Variants in CELF5 observed in about 807,000 individuals in gnomAD.
CELF5 encodes CUGBP Elav-like family member 5, also known as CUG-BP and ETR-3 like factor 5.
In CELF5, 6 loss-of-function variants were observed where a neutral mutation model predicts 54.9. The observed-to-expected ratio is 0.11, with a 90% CI of 0.06 to 0.22. The LOEUF is 0.22. Ranked by LOEUF, CELF5 falls within the 10% of genes least tolerant of loss-of-function variation. The pLI is 1.00. For missense variants in CELF5, 401 were observed against 678.6 expected, an observed-to-expected ratio of 0.59 and a Z score of 4.54; for synonymous variants, 271 against 290.9, an observed-to-expected ratio of 0.93 and a Z score of 0.70.
chr19:3,261,833 A>T (rs2079810234), intron 2 of CELF5, among the ~76,000 whole-genome samples: 1 of 152,052 alleles, frequency 6.6e-6, no homozygotes, highest in African/African-American at 2.4e-5. Flanking sequence ...GACAAAAATA[A>T]AAACAAAAAC....
chr19:3,285,976 G>T lies in CELF5; in HGVS notation c.1137G>T (p.Ala379=), dbSNP rs373788443. 37 of 1,585,440 alleles carry T rather than the reference G, an allele frequency of 2.3e-5. No homozygotes were observed. The highest frequency in any genetic ancestry group is 2.9e-5 in the Non-Finnish European group (34 of 1,172,660). The change falls in exon 10 of 13, where the codon GCG becomes GCT. Residue 379 remains alanine, a synonymous_variant. Coordinates refer to ENST00000292672, the MANE Select transcript of CELF5 (RefSeq NM_021938.4). ...MYPTAAITPI[A]HSVPQPPPLL... ...CCACCGCGGCCATCACGCCCATCGCGCACAGCGTCCCCCAGCCGCCGCCCC... is the reference window on the plus strand; with the variant it reads ...CCACCGCGGCCATCACGCCCATCGCTCACAGCGTCCCCCAGCCGCCGCCCC...
chr19:3,284,998 T>C (rs1228507598), intron 9 of CELF5, 34 bp downstream of exon 9: 3 of 1,504,254 alleles, frequency 2.0e-6, no homozygotes, highest in Non-Finnish European at 2.7e-6. Context: ...CGCTGGGCCC[T>C]GGCCCCGCCC....
Position 3,248,899 on chromosome 19 carries a change from TTCCTTC to T in CELF5, c.260-2085_260-2080del, listed in dbSNP as rs1251741493. Among the ~76,000 whole-genome samples, 76 of 125,438 alleles carry T rather than the reference TTCCTTC, an allele frequency of 6.1e-4. No individual in the cohort carries two copies. The East Asian group carries it at 0.015, about 25-fold the overall frequency. 82.3% of individuals were successfully genotyped at this position (125,438 alleles called of 152,430 possible). ...CTTCCTTCCTTCCTTCCTTCCTTCC[TTCCTTC>T]CTTTCTTTCTTTCTTTCTTTCTTTT... On this transcript the variant is annotated intron_variant, in intron 1 of 12. Transcript: ENST00000292672.
At chr19:3,248,719 T>C (rs930364065) in intron 1 of CELF5, among the ~76,000 whole-genome samples, 1 of 152,192 alleles carries the variant, frequency 6.6e-6, no homozygotes, top group Non-Finnish European at 1.5e-5. Flanking sequence ...TTTCAATTCT[T>C]CTGAATATAC....
intron 2 of CELF5, among the ~76,000 whole-genome samples, chr19:3,257,764 C>A (rs927043311): frequency 6.6e-6 from 1 of 150,948 alleles, no homozygotes; most frequent in Admixed American, 6.6e-5. Flanking sequence ...GCATGAGCCA[C>A]CATGCCCAGC....
At chr19:3,251,112 T>A in intron 2 of CELF5, 45 bp downstream of exon 2, 8 of 1,420,752 alleles carry the variant, frequency 5.6e-6, no homozygotes, top group Non-Finnish European at 8.0e-6. Flanking sequence ...AGGGGATGGC[T>A]CTCAGCCTGG....
chr19:3,229,525 G>A (rs1022134243), intron 1 of CELF5, among the ~76,000 whole-genome samples: 3 of 152,206 alleles, frequency 2.0e-5, no homozygotes, highest in Admixed American at 6.5e-5. Flanking sequence ...GTTAGTGTAG[G>A]AGAGTCGTTG....
intron 1 of CELF5, among the ~76,000 whole-genome samples, chr19:3,236,832 A>C (rs1917624833): frequency 6.6e-6 from 1 of 151,628 alleles, no homozygotes; most frequent in South Asian, 2.1e-4. Flanking sequence ...AAAAATACAA[A>C]AAACTAGCTG....
intron 3 of CELF5, among the ~76,000 whole-genome samples, chr19:3,274,186 C>A (rs1410412754): frequency 6.6e-6 from 1 of 152,044 alleles, no homozygotes; most frequent in Non-Finnish European, 1.5e-5. Context: ...GGTCCAGCTG[C>A]CTTCTCCTGA....
At chr19:3,237,030 CG>C (rs1423733519) in intron 1 of CELF5, among the ~76,000 whole-genome samples, 3 of 139,310 alleles carry the variant, frequency 2.2e-5, no homozygotes, top group South Asian at 2.3e-4. Flanking sequence ...ATGGCTACTC[CG>C]GCCAGGCGTG....
chr19:3,263,921 A>G (rs2079844335), intron 2 of CELF5, among the ~76,000 whole-genome samples: 1 of 152,198 alleles, frequency 6.6e-6, no homozygotes, highest in Non-Finnish European at 1.5e-5. Context: ...AAATAAATAA[A>G]TAATAAATAA....
intron 1 of CELF5, among the ~76,000 whole-genome samples, chr19:3,243,992 C>G (rs921628103): frequency 6.6e-6 from 1 of 151,932 alleles, no homozygotes; most frequent in African/African-American, 2.4e-5. Flanking sequence ...AAGTCACATT[C>G]GGAGGTCCTG....
intron 1 of CELF5, among the ~76,000 whole-genome samples, chr19:3,234,692 G>T (rs900823054): frequency 8.6e-5 from 13 of 152,010 alleles, no homozygotes; most frequent in African/African-American, 3.1e-4. Context: ...GACAAAACCT[G>T]GGAATGCCCT....
chr19:3,268,668 C>T lies in CELF5; in HGVS notation c.343-5204C>T, dbSNP rs34200308. Reference sequence around the variant, plus strand: ...CTGGGCTAAGGGTCTTGGTGGGGAACGGAGGGTCACAAAGCCCAGTGCCCT... The same window carrying T: ...CTGGGCTAAGGGTCTTGGTGGGGAATGGAGGGTCACAAAGCCCAGTGCCCT... On this transcript the variant is annotated intron_variant, in intron 2 of 12. Transcript: ENST00000292672. This position sits in a 1 kb window ranked among gnomAD's most constrained non-coding sequence, Gnocchi z 4.4. Among the ~76,000 whole-genome samples, 8,358 of 152,166 alleles carry T rather than the reference C, an allele frequency of 0.055. 316 individuals are homozygous for T. The highest frequency in any genetic ancestry group is 0.088 in the Middle Eastern group (26 of 294).
intron 2 of CELF5, among the ~76,000 whole-genome samples, chr19:3,272,133 T>C (rs366475): frequency 0.69 from 105,206 of 151,434 alleles, 37,334 homozygotes; most frequent in African/African-American, 0.87. Context: ...TTTGGGAGGC[T>C]GAGGTGGGCG....
chr19:3,289,168 C>A (rs2080300395), intron 10 of CELF5, among the ~76,000 whole-genome samples: 1 of 152,066 alleles, frequency 6.6e-6, no homozygotes. Flanking sequence ...TTTATTTCAC[C>A]TGATTTTGTT....
rs760701712 is a variant in CELF5 at position 3,284,180 on chromosome 19, C to CGT, written c.1040-706_1040-705dup. ...CGAGTTTTTGTATGCACTCTGTGCA[C>CGT]GTGTGTGTGTGTGTGTGCAGGGGCG... On this transcript the variant is annotated intron_variant, in intron 8 of 12. Transcript: ENST00000292672. Among the ~76,000 whole-genome samples the CGT allele has an allele frequency of 1.4e-3, 216 of 150,754 alleles. 1 individual carries two copies. The highest frequency in any genetic ancestry group is 3.5e-3 in the African/African-American group (146 of 41,176).
At chr19:3,287,283 A>G (rs1337589624) in intron 10 of CELF5, among the ~76,000 whole-genome samples, 2 of 150,902 alleles carry the variant, frequency 1.3e-5, no homozygotes, top group South Asian at 2.1e-4. Flanking sequence ...CAGTAGGCCA[A>G]TCGAGGTGGC....
At chr19:3,285,847 C>G (rs1343650424) in intron 9 of CELF5, 95 bp from the exon 10 acceptor site, 1 of 759,572 alleles carries the variant, frequency 1.3e-6, no homozygotes, top group Admixed American at 3.8e-5. Flanking sequence ...TGGCCCCACC[C>G]TCTTATGGCC....
Sources: gnomAD v4.1 joint callset for allele counts (sites outside exome capture counted in the v4.1 genomes callset) on GRCh38, gnomAD v4.1.1 for gene constraint, Gnocchi (gnomAD v3.1) non-coding constraint, MANE v1.5 for transcripts, NCBI Gene and HGNC (gene_info 2026-07-23, HGNC 2026-07-21) for gene names.